Variants in PHACTR1 observed in about 807,000 individuals in gnomAD.
The protein encoded by PHACTR1 is RPEL repeat containing 1.
Under a neutral mutation model 69.2 loss-of-function variants are expected in PHACTR1, and 16 were observed. The observed-to-expected ratio is 0.23, with a 90% CI of 0.16 to 0.35. The LOEUF is 0.35. PHACTR1 is among the 10% of genes least tolerant of loss of function. PHACTR1 has a pLI of 1.00. For missense variants in PHACTR1, 510 were observed against 734.7 expected (o/e 0.69, Z 3.54); for synonymous variants, 312 against 284.5 (o/e 1.10, Z -0.97).
chr6:13,255,282 T>C (rs1417982539), intron 10 of PHACTR1, among the ~76,000 whole-genome samples: 1 of 152,154 alleles, frequency 6.6e-6, no homozygotes, highest in Non-Finnish European at 1.5e-5. Flanking sequence ...GCTAACCCAT[T>C]CATGAGAAAC....
intron 4 of PHACTR1, among the ~76,000 whole-genome samples, chr6:12,908,029 C>CTA (rs1785938855): frequency 6.6e-6 from 1 of 152,326 alleles, no homozygotes; most frequent in South Asian, 2.1e-4. Context: ...CCAGCTTAGC[C>CTA]TATGTAGCTG....
At chr6:12,986,541 G>C (rs1488903612) in intron 4 of PHACTR1, among the ~76,000 whole-genome samples, 1 of 152,146 alleles carries the variant, frequency 6.6e-6, no homozygotes, top group Non-Finnish European at 1.5e-5. Context: ...CCCAGTGTTT[G>C]TTTGATGCCA....
chr6:12,852,498 A>G (rs1219176598), intron 4 of PHACTR1, among the ~76,000 whole-genome samples: 1 of 152,164 alleles, frequency 6.6e-6, no homozygotes, highest in African/African-American at 2.4e-5. Flanking sequence ...TGAGCAAGAC[A>G]GCTCACTTTC....
chr6:13,217,804 A>G (rs76899401), intron 8 of PHACTR1, among the ~76,000 whole-genome samples: 2 of 152,332 alleles, frequency 1.3e-5, no homozygotes, highest in African/African-American at 4.8e-5. Context: ...TGCTTTCTTA[A>G]AAAGAAGCTG....
chr6:13,021,176 C>T (rs1800923456), intron 4 of PHACTR1, among the ~76,000 whole-genome samples: 2 of 152,214 alleles, frequency 1.3e-5, no homozygotes, highest in African/African-American at 4.8e-5. Context: ...CCATTCCCTA[C>T]ACCCCATCCC....
intron 4 of PHACTR1, among the ~76,000 whole-genome samples, chr6:12,944,603 C>T (rs1384748442): frequency 6.6e-6 from 1 of 152,164 alleles, no homozygotes; most frequent in East Asian, 1.9e-4. Flanking sequence ...AAGAACATAT[C>T]TGTCCCCCTA....
chr6:13,145,844 G>A (rs968675378), intron 5 of PHACTR1, among the ~76,000 whole-genome samples: 1 of 152,206 alleles, frequency 6.6e-6, no homozygotes, highest in South Asian at 2.1e-4. Flanking sequence ...TGTTGTTTAA[G>A]CCGGTCTATA....
At chr6:13,087,724 C>A (rs879745589) in intron 5 of PHACTR1, among the ~76,000 whole-genome samples, 2 of 151,738 alleles carry the variant, frequency 1.3e-5, no homozygotes, top group Non-Finnish European at 2.9e-5. Flanking sequence ...CAGCTCACTG[C>A]AGCTTTGACC....
intron 10 of PHACTR1, among the ~76,000 whole-genome samples, chr6:13,235,352 C>T (rs1680488027): frequency 6.6e-6 from 1 of 152,182 alleles, no homozygotes; most frequent in South Asian, 2.1e-4. Context: ...TTTTTATTCC[C>T]ACCAGAGTAA....
At chr6:12,930,777 A>G (rs9472999) in intron 4 of PHACTR1, among the ~76,000 whole-genome samples, 25,051 of 152,092 alleles carry the variant, frequency 0.16, 4,688 homozygotes, top group African/African-American at 0.46. Flanking sequence ...TGAGCCGGGC[A>G]CAGTGGCTCA....
chr6:12,784,395 C>A (rs1771240357), intron 4 of PHACTR1, among the ~76,000 whole-genome samples: 1 of 151,674 alleles, frequency 6.6e-6, no homozygotes, highest in South Asian at 2.1e-4. Flanking sequence ...ATGATATATA[C>A]ATATACACAC....
rs531017829 is a variant in PHACTR1 at position 12,975,012 on chromosome 6, A to G, written c.251-78353A>G. On this transcript the variant is annotated intron_variant, in intron 4 of 14. Coordinates refer to ENST00000332995, the MANE Select transcript of PHACTR1 (RefSeq NM_030948.6). ...TCCCATACTCCTACGGTCAGGGAAAAAAGCCCTCTGTACAATTGTAGATGT... is the reference window on the plus strand; with the variant it reads ...TCCCATACTCCTACGGTCAGGGAAAGAAGCCCTCTGTACAATTGTAGATGT... Among the ~76,000 whole-genome samples the G allele has an allele frequency of 6.6e-5, 10 of 152,302 alleles. No individual in the cohort carries two copies. The East Asian group carries it at 1.9e-3, about 29-fold the overall frequency.
intron 10 of PHACTR1, among the ~76,000 whole-genome samples, chr6:13,243,687 C>G (rs188312911): frequency 3.9e-4 from 60 of 152,128 alleles, no homozygotes; most frequent in African/African-American, 1.3e-3. Flanking sequence ...ATTTTGTCAC[C>G]CAGGTAATAA....
At chr6:12,820,118 C>A (rs1393080061) in intron 4 of PHACTR1, among the ~76,000 whole-genome samples, 6 of 152,152 alleles carry the variant, frequency 3.9e-5, no homozygotes, top group Non-Finnish European at 8.8e-5. Flanking sequence ...CATTTATTAC[C>A]TCCCTAACCT....
chr6:12,996,558 T>C (rs1797433209), intron 4 of PHACTR1, among the ~76,000 whole-genome samples: 1 of 152,184 alleles, frequency 6.6e-6, no homozygotes, highest in Non-Finnish European at 1.5e-5. Flanking sequence ...ATCAGATCTA[T>C]AGTAAAAATC....
rs76251123 is a variant in PHACTR1 at position 13,030,409 on chromosome 6, A to G, written c.251-22956A>G. On this transcript the variant is annotated intron_variant, in intron 4 of 14. Transcript: ENST00000332995. Reference sequence around the variant, plus strand: ...GGAGGAAGAGAAGATGTTGAAAAATAAAGTATTAAAATGCAGAACATAAAA... The same window carrying G: ...GGAGGAAGAGAAGATGTTGAAAAATGAAGTATTAAAATGCAGAACATAAAA... Among the ~76,000 whole-genome samples the G allele has an allele frequency of 8.8e-3, 1,341 of 152,358 alleles. 23 individuals carry two copies. The highest frequency in any genetic ancestry group is 0.03 in the African/African-American group (1,258 of 41,574).
intron 4 of PHACTR1, among the ~76,000 whole-genome samples, chr6:12,998,648 C>A (rs1190531415): frequency 6.6e-6 from 1 of 151,046 alleles, no homozygotes; most frequent in African/African-American, 2.4e-5. Flanking sequence ...AGTAAAAGTC[C>A]CAAGGCAGCG....
At chr6:12,861,840 T>TA (rs1319567783) in intron 4 of PHACTR1, among the ~76,000 whole-genome samples, 13 of 152,286 alleles carry the variant, frequency 8.5e-5, no homozygotes, top group Admixed American at 2.0e-4. Context: ...GTTCATTTTT[T>TA]AAAAAAATTA....
intron 4 of PHACTR1, among the ~76,000 whole-genome samples, chr6:12,977,502 C>T (rs538491202): frequency 2.0e-5 from 3 of 152,282 alleles, no homozygotes; most frequent in South Asian, 2.1e-4. Flanking sequence ...CACACTCTCT[C>T]CCCCTAAAAC....
Sources: allele counts gnomAD v4.1 joint callset (sites outside exome capture counted in the v4.1 genomes callset), GRCh38; gene constraint gnomAD v4.1.1; transcripts MANE v1.5; gene names NCBI Gene and HGNC (gene_info 2026-07-23, HGNC 2026-07-21).